The following FUNDC1 variants were observed in gnomAD, a reference collection of about 807,000 sequenced individuals.
FUNDC1 encodes the protein FUN14 domain containing 1, also known as FUN14 domain-containing protein 1.
In FUNDC1, 10 loss-of-function variants were observed where a neutral mutation model predicts 14.5. The observed-to-expected ratio is 0.69, with a 90% CI of 0.43 to 1.17. FUNDC1 has a LOEUF of 1.17. FUNDC1 is among the 50% of genes most tolerant of loss of function. FUNDC1 has a pLI of 0.00. For synonymous variants in FUNDC1, 33 were observed against 39.7 expected (o/e 0.83, Z 0.64); for missense variants, 115 against 113.8 (o/e 1.01, Z -0.05).
At chrX:44,541,081 T>C (rs1395185547) in intron 2 of FUNDC1, among the ~76,000 whole-genome samples, 2 of 112,489 alleles carry the variant, frequency 1.8e-5, no homozygotes, top group South Asian at 3.6e-4. Flanking sequence ...GTTATACTTA[T>C]CAAGTGGAAA....
rs1318757266 is a variant in FUNDC1 at position 44,531,317 on chromosome X, C to A, written c.262-3952G>T. ...CAGATGAAGATTCATGTTGGCCAGA[C>A]ACACACACACACACACACACACACA... On this transcript the variant is annotated intron_variant, in intron 3 of 4. Coordinates refer to ENST00000378045, the MANE Select transcript of FUNDC1 (RefSeq NM_173794.4). Among the ~76,000 whole-genome samples the A allele has an allele frequency of 6.2e-3, 141 of 22,841 alleles. 17 individuals carry two copies. The highest frequency in any genetic ancestry group is 0.031 in the African/African-American group (117 of 3,733). 19.8% of individuals were successfully genotyped at this position (22,841 alleles called of 115,157 possible).
chrX:44,525,349 G>A (rs543325868), intron 4 of FUNDC1, among the ~76,000 whole-genome samples: 15 of 107,898 alleles, frequency 1.4e-4, no homozygotes, highest in East Asian at 3.0e-4. Context: ...GCATGCCACC[G>A]TTCTAATTTT....
At chrX:44,538,446 G>A in intron 3 of FUNDC1, 21 bp downstream of exon 3, 1 of 1,161,005 alleles carries the variant, frequency 8.6e-7, no homozygotes, top group Non-Finnish European at 1.2e-6. Context: ...GCAAAGGCAA[G>A]TGCTTAAAGC....
At position 44,539,333 on chromosome X, in the gene FUNDC1, C is replaced by A. The variant is rs139499986; in HGVS notation, c.186-791G>T. ...GTCCCCCTCAAAATTCATATCCTTC[C>A]CAAAACCTCTAAATGTGACCTTATT... is the stretch of plus-strand genomic sequence containing the variant. On this transcript the variant is annotated intron_variant, in intron 2 of 4. Coordinates refer to ENST00000378045, the MANE Select transcript of FUNDC1 (RefSeq NM_173794.4). 1.0e-3 allele frequency among the ~76,000 whole-genome samples: 115 copies of A among 111,694 alleles called. 1 individual carries two copies. The East Asian group carries it at 0.029, about 28-fold the overall frequency.
At chrX:44,527,475 G>C in intron 3 of FUNDC1, 110 bp from the exon 4 acceptor site, 1 of 539,001 alleles carries the variant, frequency 1.9e-6, no homozygotes, top group Non-Finnish European at 2.7e-6. Context: ...AAAACTTATA[G>C]CTAAGAAATT....
chrX:44,528,565 TG>T (rs1390305515), intron 3 of FUNDC1, among the ~76,000 whole-genome samples: 4 of 112,990 alleles, frequency 3.5e-5, no homozygotes, highest in African/African-American at 1.3e-4. Context: ...TCAAAATAGT[TG>T]ATTACTTTGA....
chrX:44,531,053 G>A (rs1415271509), intron 3 of FUNDC1, among the ~76,000 whole-genome samples: 1 of 110,177 alleles, frequency 9.1e-6, no homozygotes, highest in Non-Finnish European at 1.9e-5. Flanking sequence ...ACCAGCCTGG[G>A]CTATACGGCG....
intron 3 of FUNDC1, among the ~76,000 whole-genome samples, chrX:44,535,669 C>CAAAAAA (rs1224864816): frequency 6.2e-5 from 2 of 32,278 alleles, no homozygotes; most frequent in African/African-American, 1.4e-4. Flanking sequence ...GACTCTGTCT[C>CAAAAAA]AAAAAAAAAA....
chrX:44,536,725 T>A (rs898542977), intron 3 of FUNDC1, among the ~76,000 whole-genome samples: 2 of 111,527 alleles, frequency 1.8e-5, no homozygotes, highest in Non-Finnish European at 3.8e-5. Context: ...AAACTGGATG[T>A]CTCAAGGGAT....
At chrX:44,542,323 G>A in intron 1 of FUNDC1, 1 of 398,398 alleles carries the variant, frequency 2.5e-6, no homozygotes, top group Non-Finnish European at 4.3e-6. Context: ...CCAAAGGCCC[G>A]GGGACCAGCC....
At chrX:44,538,414 A>G in intron 3 of FUNDC1, 53 bp downstream of exon 3, 1 of 972,230 alleles carries the variant, frequency 1.0e-6, no homozygotes, top group African/African-American at 1.9e-5. Context: ...TGCCTAAAAG[A>G]AAAATTCCAC....
intron 3 of FUNDC1, among the ~76,000 whole-genome samples, chrX:44,530,859 C>T (rs1034988860): frequency 1.8e-5 from 2 of 110,577 alleles, no homozygotes; most frequent in Non-Finnish European, 3.8e-5. Flanking sequence ...ACCCAGGAGG[C>T]GGAGGCTGCA....
In FUNDC1 at chrX:44,542,084, C is replaced by A. The variant is rs181489310; in HGVS notation, c.46G>T (p.Asp16Tyr). Reference protein sequence around the residue: ...PPPQDYESDDDSYEVLDLTEY... With the variant: ...PPPQDYESDDYSYEVLDLTEY... ...GTTAAATCCAACACTTCATAAGAGT[C>A]GTCATCACTTTCATAGTCTTCAAAA... Residue 16 changes from aspartate to tyrosine, a missense_variant, in exon 2 of 5, where the codon GAC becomes TAC. Coordinates refer to ENST00000378045, the MANE Select transcript of FUNDC1 (RefSeq NM_173794.4). The A allele has an allele frequency of 8.4e-7, 1 of 1,197,252 alleles. No homozygotes were observed. Among genetic ancestry groups the A allele is most frequent in the Non-Finnish European group, 1.1e-6 (1 of 886,757 alleles).
intron 3 of FUNDC1, among the ~76,000 whole-genome samples, chrX:44,529,816 A>C (rs2038915675): frequency 9.0e-6 from 1 of 111,568 alleles, no homozygotes; most frequent in Non-Finnish European, 1.9e-5. Context: ...GGAAAAATGA[A>C]AAACCTTGAG....
intron 3 of FUNDC1, among the ~76,000 whole-genome samples, chrX:44,530,269 T>C (rs12012348): frequency 0.14 from 15,725 of 111,327 alleles, 1,759 homozygotes; most frequent in African/African-American, 0.38. Context: ...AAGGTACTTT[T>C]ATTAGAATAA....
intron 3 of FUNDC1, among the ~76,000 whole-genome samples, chrX:44,535,510 A>G (rs2038943757): frequency 9.3e-6 from 1 of 106,958 alleles, no homozygotes. Context: ...TACCAAAAAA[A>G]TACAAAAAAG....
intron 3 of FUNDC1, among the ~76,000 whole-genome samples, chrX:44,531,211 C>A (rs2038921027): frequency 9.5e-6 from 1 of 104,875 alleles, no homozygotes; most frequent in East Asian, 3.0e-4. Context: ...CCACTGCACT[C>A]CAGCCTGGGC....
At chrX:44,530,498 T>C (rs1002316108) in intron 3 of FUNDC1, among the ~76,000 whole-genome samples, 35 of 109,886 alleles carry the variant, frequency 3.2e-4, no homozygotes, top group African/African-American at 1.1e-3. Context: ...CCCAGCTACT[T>C]GGAAGGCTGA....
At chrX:44,532,858 T>C (rs2038932191) in intron 3 of FUNDC1, among the ~76,000 whole-genome samples, 1 of 111,825 alleles carries the variant, frequency 8.9e-6, no homozygotes, top group Non-Finnish European at 1.9e-5. Context: ...GGCCTAAATA[T>C]GTATATTTTT....
Sources: allele counts gnomAD v4.1 joint callset (sites outside exome capture counted in the v4.1 genomes callset), GRCh38; gene constraint gnomAD v4.1.1; transcripts MANE v1.5; gene names NCBI Gene and HGNC (gene_info 2026-07-23, HGNC 2026-07-21).